The following SIDT1 variants were observed in gnomAD, a reference collection of about 807,000 sequenced individuals.
SIDT1 encodes the protein SID1 transmembrane family, member 1.
A neutral mutation model predicts 107.5 loss-of-function variants in SIDT1; 101 were observed. The ratio of observed to expected loss-of-function variants is 0.94; its 90% CI spans 0.80 to 1.11. SIDT1 has a LOEUF of 1.11. SIDT1 is among the 50% of genes least tolerant of loss of function. The pLI, the probability that SIDT1 is intolerant of heterozygous loss-of-function variation, is 0.00. For synonymous variants in SIDT1, 395 were observed against 398.2 expected (o/e 0.99, Z 0.10); for missense variants, 1,076 against 1,058.2 (o/e 1.02, Z -0.23).
In SIDT1 at chr3:113,616,107, A is replaced by G. The variant is rs1039074670; in HGVS notation, c.1974A>G (p.Gly658=). 1 of 1,613,552 alleles carries G rather than the reference A, an allele frequency of 6.2e-7. No individual in the cohort carries two copies. Among genetic ancestry groups the G allele is most frequent in the African/African-American group, 1.3e-5 (1 of 74,990 alleles). The change falls in exon 20 of 25, where the codon GGA becomes GGG. Residue 658 remains glycine, a synonymous_variant. Transcript: ENST00000264852. ...CATTTGTATTATCAGCAGATTTGGG[A>G]ATTTTCCGGCGGGCTGCCATGGTGT... is the stretch of plus-strand genomic sequence containing the variant. ...YYMGRFKIDL[G]IFRRAAMVFY...
chr3:113,580,745 A>G, intron 5 of SIDT1, 36 bp downstream of exon 5: 1 of 1,253,080 alleles, frequency 8.0e-7, no homozygotes, highest in Non-Finnish European at 1.2e-6. Context: ...TCTACTATAG[A>G]GCATTATATT....
chr3:113,622,615 A>C (rs150775397), intron 21 of SIDT1, among the ~76,000 whole-genome samples: 12 of 152,300 alleles, frequency 7.9e-5, no homozygotes, highest in African/African-American at 2.9e-4. Context: ...TTTTAAAACC[A>C]TGGACAGCTA....
At chr3:113,556,509 A>G (rs1428230034) in intron 1 of SIDT1, among the ~76,000 whole-genome samples, 3 of 152,284 alleles carry the variant, frequency 2.0e-5, no homozygotes, top group South Asian at 2.1e-4. Context: ...CAGCTGTAAC[A>G]TGCAATCCCA....
Position 113,544,171 on chromosome 3 carries a change from T to TTTTG in SIDT1, c.222+10964_222+10967dup, listed in dbSNP as rs139256393. Among the ~76,000 whole-genome samples the TTTTG allele has an allele frequency of 9.1e-3, 1,205 of 131,804 alleles. 13 individuals carry two copies. Among genetic ancestry groups the TTTTG allele is most frequent in the East Asian group, 0.042 (195 of 4,596 alleles). The allele number at this position is 131,804 out of a possible 152,430, so 86.5% of individuals were successfully genotyped here. A position where few individuals can be genotyped will look rare whatever the true frequency, so the allele number is the denominator to read the frequency against. On this transcript the variant is annotated intron_variant, in intron 1 of 24. Transcript: ENST00000264852. Reference sequence around the variant, plus strand: ...CATTGCATTTAATTATCATGAGTCTTTTTGTTTGTTTGTTTGTTTGTTTGT... The same window carrying TTTTG: ...CATTGCATTTAATTATCATGAGTCTTTTTGTTTGTTTGTTTGTTTGTTTGTTTGT...
intron 9 of SIDT1, among the ~76,000 whole-genome samples, chr3:113,587,972 A>G (rs1450015703): frequency 6.6e-6 from 1 of 152,236 alleles, no homozygotes; most frequent in African/African-American, 2.4e-5. Flanking sequence ...GATGAGTTCC[A>G]ATATCATGGA....
chr3:113,611,434 C>G (rs955208649), intron 18 of SIDT1, among the ~76,000 whole-genome samples: 1 of 152,164 alleles, frequency 6.6e-6, no homozygotes, highest in Non-Finnish European at 1.5e-5. Flanking sequence ...CGGGTTCAAG[C>G]GATTCTCCTG....
intron 1 of SIDT1, among the ~76,000 whole-genome samples, chr3:113,558,702 G>A (rs1464264057): frequency 6.6e-6 from 1 of 152,180 alleles, no homozygotes; most frequent in African/African-American, 2.4e-5. Flanking sequence ...AGCTAATGCT[G>A]CTTACCCTAA....
rs147451248 is a variant in SIDT1, at chr3:113,575,624, G to C, written c.516-1298G>C. On this transcript the variant is annotated intron_variant, in intron 3 of 24. Coordinates refer to ENST00000264852, the MANE Select transcript of SIDT1 (RefSeq NM_017699.3). ...ATATAAAAATTACATCTATTGTTGC[G>C]AGCTAAATTCTGAGCCCAGCCTGAT... 3.3e-5 allele frequency among the ~76,000 whole-genome samples: 5 copies of C among 152,284 alleles called. No individual in the cohort carries two copies. The East Asian group carries it at 7.7e-4, about 23-fold the overall frequency.
intron 24 of SIDT1, among the ~76,000 whole-genome samples, chr3:113,627,084 G>A (rs1018695730): frequency 2.0e-5 from 3 of 152,160 alleles, no homozygotes; most frequent in African/African-American, 7.2e-5. Context: ...ATTCCACGTG[G>A]GGCAGTAGTA....
At chr3:113,576,763 C>T (rs1038881631) in intron 3 of SIDT1, among the ~76,000 whole-genome samples, 159 bp from the exon 4 acceptor site, 1 of 152,228 alleles carries the variant, frequency 6.6e-6, no homozygotes, top group Non-Finnish European at 1.5e-5. Flanking sequence ...ATGCAGTCTA[C>T]TTTGTCAGTT....
intron 19 of SIDT1, among the ~76,000 whole-genome samples, chr3:113,615,485 T>G (rs1946038991): frequency 6.6e-6 from 1 of 152,206 alleles, no homozygotes; most frequent in South Asian, 2.1e-4. Flanking sequence ...ACACACACAC[T>G]CGCTGCATTT....
intron 1 of SIDT1, among the ~76,000 whole-genome samples, chr3:113,541,659 C>G (rs1938885680): frequency 6.6e-6 from 1 of 152,156 alleles, no homozygotes; most frequent in Non-Finnish European, 1.5e-5. Context: ...TCACGAGAAC[C>G]ATATTCTCAC....
chr3:113,552,781 A>G (rs527282491), intron 1 of SIDT1, among the ~76,000 whole-genome samples: 2 of 152,316 alleles, frequency 1.3e-5, no homozygotes, highest in East Asian at 3.9e-4. Flanking sequence ...AATGTACCAA[A>G]TGGGCATATC....
chr3:113,532,967 C>A lies in SIDT1; in HGVS notation c.-55C>A, dbSNP rs912353755. 1.7e-6 allele frequency: 2 copies of A among 1,209,438 alleles called. No individual in the cohort carries two copies. The highest frequency in any genetic ancestry group is 1.1e-6 in the Non-Finnish European group (1 of 940,964). The allele number at this position is 1,209,438 out of a possible 1,614,324, so 74.9% of individuals were successfully genotyped here. ...CCGGGCTTTGGAAGGACCCTCTCTG[C>A]GCTCGCCCCCTCCCCAGGGTGGCTC... On this transcript the variant is annotated 5_prime_UTR_variant, in exon 1 of 25. Transcript: ENST00000264852.
At chr3:113,588,863 T>G (rs1356207514) in intron 9 of SIDT1, 1 of 151,966 alleles carries the variant, frequency 6.6e-6, no homozygotes, top group African/African-American at 2.4e-5. Context: ...TGTTTAAGTT[T>G]GCTCACAAAT....
rs966310633 is a variant in SIDT1, at chr3:113,627,920, A to G, written c.*212A>G. On this transcript the variant is annotated 3_prime_UTR_variant, in exon 25 of 25. Transcript: ENST00000264852. ...GAGCCATGTTTTGAGGACAGACGCA[A>G]ACCTGAGGAGCTGAGAAACACTTGC... 7.6e-5 allele frequency: 44 copies of G among 575,714 alleles called. No individual in the cohort carries two copies. Among genetic ancestry groups the G allele is most frequent in the Non-Finnish European group, 1.1e-4 (37 of 322,114 alleles). The allele number at this position is 575,714 out of a possible 1,614,324, so 35.7% of individuals were successfully genotyped here.
intron 15 of SIDT1, among the ~76,000 whole-genome samples, chr3:113,607,672 T>TGA (rs1333315533): frequency 6.6e-6 from 1 of 152,248 alleles, no homozygotes; most frequent in Non-Finnish European, 1.5e-5. Flanking sequence ...CTGCTGGCTA[T>TGA]GATTGGCTGA....
intron 1 of SIDT1, among the ~76,000 whole-genome samples, chr3:113,559,953 G>A (rs1941273330): frequency 6.6e-6 from 1 of 152,170 alleles, no homozygotes; most frequent in Non-Finnish European, 1.5e-5. Context: ...ATGATCCAGA[G>A]TTGGGTACAG....
intron 18 of SIDT1, 107 bp downstream of exon 18, chr3:113,611,251 T>G (rs1194493528): frequency 1.5e-6 from 2 of 1,315,582 alleles, no homozygotes; most frequent in African/African-American, 2.9e-5. Flanking sequence ...AATCCTCAGT[T>G]CATGACACAA....
Sources: gnomAD v4.1 joint callset for allele counts (sites outside exome capture counted in the v4.1 genomes callset) on GRCh38, gnomAD v4.1.1 for gene constraint, MANE v1.5 for transcripts, NCBI Gene and HGNC (gene_info 2026-07-23, HGNC 2026-07-21) for gene names.